Variants in WWOX observed in about 807,000 individuals in gnomAD.
WWOX encodes WW domain-containing oxidoreductase.
WWOX carries 69 observed loss-of-function variants against 46.2 expected under a neutral mutation model. The ratio of observed to expected loss-of-function variants is 1.49; its 90% CI spans 1.23 to 1.82. WWOX has a LOEUF of 1.82. Among genes scored for constraint, WWOX ranks in the 40% most tolerant of loss-of-function variants. The probability of loss-of-function intolerance (pLI) is 0.00; values close to 1 mark genes in which losing one functional copy is unlikely to be tolerated. For missense variants in WWOX, 919 were observed against 542.6 expected (o/e 1.69, Z -6.89); for synonymous variants, 359 against 202.6 (o/e 1.77, Z -6.56).
chr16:78,630,496 C>T (rs187759457), intron 8 of WWOX, among the ~76,000 whole-genome samples: 185 of 152,278 alleles, frequency 1.2e-3, no homozygotes, highest in African/African-American at 4.3e-3. Flanking sequence ...ACTGTGGACA[C>T]TGAGTCCCTA....
intron 8 of WWOX, among the ~76,000 whole-genome samples, chr16:78,652,408 C>CAAAAAAAAA (rs747993811): frequency 7.4e-5 from 8 of 107,464 alleles, no homozygotes; most frequent in African/African-American, 2.8e-4. Context: ...GACTCCGTCT[C>CAAAAAAAAA]AAAAAAAAAA....
At chr16:78,302,701 C>T (rs2080062473) in intron 5 of WWOX, among the ~76,000 whole-genome samples, 1 of 152,138 alleles carries the variant, frequency 6.6e-6, no homozygotes, top group East Asian at 1.9e-4. Flanking sequence ...TTATTGTCTC[C>T]CTTCTCAGTC....
At chr16:79,183,896 C>G (rs2050962099) in intron 8 of WWOX, among the ~76,000 whole-genome samples, 1 of 152,218 alleles carries the variant, frequency 6.6e-6, no homozygotes, top group African/African-American at 2.4e-5. Context: ...GCTCTGGTCT[C>G]TATACTTAGA....
chr16:79,108,927 T>A (rs1240598735), intron 8 of WWOX, among the ~76,000 whole-genome samples: 1 of 152,018 alleles, frequency 6.6e-6, no homozygotes, highest in Non-Finnish European at 1.5e-5. Context: ...AAAGTTTTTT[T>A]TTTTTAATCG....
At chr16:78,630,673 C>T (rs142859250) in intron 8 of WWOX, among the ~76,000 whole-genome samples, 1 of 152,158 alleles carries the variant, frequency 6.6e-6, no homozygotes, top group Non-Finnish European at 1.5e-5. Context: ...CTCATTTTGC[C>T]TTGCATCCTT....
At chr16:78,891,455 C>G (rs918615745) in intron 8 of WWOX, 1 of 152,144 alleles carries the variant, frequency 6.6e-6, no homozygotes, top group African/African-American at 2.4e-5. Flanking sequence ...ACCTGCTGGA[C>G]CTGTAGAAGT....
intron 5 of WWOX, among the ~76,000 whole-genome samples, chr16:78,363,616 C>G (rs968894232): frequency 6.6e-6 from 1 of 152,144 alleles, no homozygotes; most frequent in Non-Finnish European, 1.5e-5. Context: ...AAATCCACAT[C>G]TGAGAGTCCC....
At chr16:78,152,040 A>T (rs1032705601) in intron 4 of WWOX, among the ~76,000 whole-genome samples, 7 of 152,110 alleles carry the variant, frequency 4.6e-5, no homozygotes, top group Admixed American at 2.6e-4. Context: ...AATACAAAAA[A>T]TTAGCCGGGT....
At chr16:79,168,734 G>C (rs984779030) in intron 8 of WWOX, among the ~76,000 whole-genome samples, 1 of 152,100 alleles carries the variant, frequency 6.6e-6, no homozygotes, top group African/African-American at 2.4e-5. Context: ...CAAGGGGGAG[G>C]GGTAAACCAA....
chr16:78,186,762 C>G (rs1412851723), intron 5 of WWOX, among the ~76,000 whole-genome samples: 3 of 152,110 alleles, frequency 2.0e-5, no homozygotes, highest in Non-Finnish European at 4.4e-5. Context: ...GAGACCCTGT[C>G]TCAAAAGAAA....
intron 8 of WWOX, among the ~76,000 whole-genome samples, chr16:78,935,864 A>T (rs2045726403): frequency 6.6e-6 from 1 of 152,106 alleles, no homozygotes; most frequent in Admixed American, 6.6e-5. Context: ...GTGAGCTCAC[A>T]TCACACCACT....
At chr16:78,729,578 G>C (rs548979872) in intron 8 of WWOX, among the ~76,000 whole-genome samples, 2 of 152,170 alleles carry the variant, frequency 1.3e-5, no homozygotes, top group Admixed American at 6.5e-5. Flanking sequence ...GGAGCCATCA[G>C]GTGCTGGAAG....
chr16:78,500,927 G>A (rs770636730), intron 8 of WWOX, among the ~76,000 whole-genome samples: 1 of 152,138 alleles, frequency 6.6e-6, no homozygotes, highest in Non-Finnish European at 1.5e-5. Context: ...TTCTCTGGAC[G>A]GCCAAGTGAT....
At chr16:79,006,469 A>C (rs2047193009) in intron 8 of WWOX, among the ~76,000 whole-genome samples, 1 of 151,076 alleles carries the variant, frequency 6.6e-6, no homozygotes, top group South Asian at 2.1e-4. Context: ...GATAACAAAA[A>C]TTTCTTGAAT....
intron 8 of WWOX, among the ~76,000 whole-genome samples, chr16:79,026,544 A>G (rs2047645710): frequency 6.6e-6 from 1 of 151,178 alleles, no homozygotes; most frequent in Non-Finnish European, 1.5e-5. Flanking sequence ...ATCTAGAAAG[A>G]ATCATGCCTG....
intron 8 of WWOX, chr16:78,994,277 T>G (rs377418196): frequency 2.6e-5 from 4 of 152,228 alleles, no homozygotes; most frequent in East Asian, 3.9e-4. Context: ...ATTTAAAGAA[T>G]AATTTTTAAG....
At chr16:78,977,307 G>A (rs995990620) in intron 8 of WWOX, among the ~76,000 whole-genome samples, 1 of 152,192 alleles carries the variant, frequency 6.6e-6, no homozygotes, top group Non-Finnish European at 1.5e-5. Flanking sequence ...CTCCCACAGG[G>A]AAGCAGAAGT....
intron 8 of WWOX, among the ~76,000 whole-genome samples, chr16:78,590,372 G>A (rs996399939): frequency 2.0e-5 from 3 of 152,144 alleles, no homozygotes; most frequent in East Asian, 3.9e-4. Context: ...AAGTGTTATA[G>A]TATTAAGGAA....
chr16:78,182,936 G>A (rs1019146517), intron 5 of WWOX, among the ~76,000 whole-genome samples: 1 of 142,610 alleles, frequency 7.0e-6, no homozygotes, highest in African/African-American at 2.6e-5. Flanking sequence ...GGGTGACAGA[G>A]CGAGAATCTG....
Sources: allele counts gnomAD v4.1 joint callset (sites outside exome capture counted in the v4.1 genomes callset), GRCh38; gene constraint gnomAD v4.1.1; transcripts MANE v1.5; gene names NCBI Gene and HGNC (gene_info 2026-07-23, HGNC 2026-07-21).